Variants in CYP20A1 observed in about 807,000 individuals in gnomAD.
CYP20A1 encodes the protein cytochrome P450 20A1.
Under a neutral mutation model 61.4 loss-of-function variants are expected in CYP20A1, and 61 were observed. The observed-to-expected ratio is 0.99, with a 90% CI of 0.81 to 1.23. The LOEUF (loss-of-function observed/expected upper bound fraction) is 1.23, where lower values mean the gene tolerates loss of function less well. CYP20A1 is among the 50% of genes most tolerant of loss of function. The pLI is 0.00. For synonymous variants in CYP20A1, 193 were observed against 188.2 expected (o/e 1.03, Z -0.21); for missense variants, 530 against 542.4 (o/e 0.98, Z 0.23).
At chr2:203,272,844 A>C (rs1233601380) in intron 6 of CYP20A1, 96 bp downstream of exon 6, 5 of 647,756 alleles carry the variant, frequency 7.7e-6, no homozygotes, top group Non-Finnish European at 1.2e-5. Context: ...AAGGTCATTT[A>C]TATTTTCTTT....
In CYP20A1 at chr2:203,301,879, A is replaced by C. The variant is rs2069035427; in HGVS notation, c.*4971A>C. 6.9e-6 allele frequency among the ~76,000 whole-genome samples: 1 copy of C among 145,588 alleles called. No homozygotes were observed. The highest frequency in any genetic ancestry group is 6.8e-5 in the Admixed American group (1 of 14,638). On this transcript the variant is annotated 3_prime_UTR_variant, in exon 13 of 13. Transcript: ENST00000356079. ...AATGTCAAACTCAGTTAACAGTCAT[A>C]GTTTCACTATTTGAAGTTAACCACT...
intron 3 of CYP20A1, among the ~76,000 whole-genome samples, chr2:203,249,825 A>G (rs2066594459): frequency 6.6e-6 from 1 of 152,180 alleles, no homozygotes; most frequent in Admixed American, 6.5e-5. Flanking sequence ...AACCTGGATG[A>G]CAGATCGAGA....
intron 3 of CYP20A1, among the ~76,000 whole-genome samples, chr2:203,250,000 A>G (rs1419080679): frequency 2.0e-5 from 3 of 152,248 alleles, no homozygotes; most frequent in Non-Finnish European, 4.4e-5. Flanking sequence ...GATGAAGAAT[A>G]CTGGCAGAAC....
In CYP20A1 at chr2:203,298,391, A is replaced by AAAAAAAC. The variant is rs1188587000; in HGVS notation, c.*1497_*1503dup. 8 of 185,706 alleles carry AAAAAAAC rather than the reference A, an allele frequency of 4.3e-5. No homozygotes were observed. The highest frequency in any genetic ancestry group is 2.4e-5 in the African/African-American group (1 of 42,172). 11.5% of individuals were successfully genotyped at this position (185,706 alleles called of 1,614,324 possible). On this transcript the variant is annotated 3_prime_UTR_variant, in exon 13 of 13. Transcript: ENST00000356079. The stretch of plus-strand genomic sequence containing the variant: ...GGCAACAGAGCAAAACCCTGCCTTT[A>AAAAAAAC]AAAAAACAAAAAACAAAAAAGGCCG...
At chr2:203,296,421 A>G in intron 11 of CYP20A1, 53 bp from the exon 12 acceptor site, 1 of 1,099,904 alleles carries the variant, frequency 9.1e-7, no homozygotes, top group East Asian at 2.5e-5. Flanking sequence ...TAGTGTCAAC[A>G]TGTAAGATGC....
rs147992273 is a variant in CYP20A1 at position 203,246,754 on chromosome 2, G to C, written c.123-1G>C. On this transcript the variant is annotated splice_acceptor_variant, in intron 2 of 12. Transcript: ENST00000356079. LOFTEE classifies it high-confidence loss of function. ...TTTGTCAAATGTTGCTCTTTTGCCA[G>C]AGATGGTAATCTTCCAGATATTGTG... 6.4e-5 allele frequency: 102 copies of C among 1,606,230 alleles called. No individual in the cohort carries two copies. Among genetic ancestry groups the C allele is most frequent in the Non-Finnish European group, 8.3e-5 (98 of 1,178,100 alleles).
rs766795016 is a variant in CYP20A1 at position 203,272,741 on chromosome 2, T to C, written c.672T>C (p.Tyr224=). ...AAAACATGACTCGGAAAAAACAATATGAAGATGGTAAGTTTGGTCACTTAA... is the reference window on the plus strand; with the variant it reads ...AAAACATGACTCGGAAAAAACAATACGAAGATGGTAAGTTTGGTCACTTAA... The part of the protein sequence containing the change: ...LDKNMTRKKQ[Y]EDALMQLESV... The change falls in exon 6 of 13, where the codon TAT becomes TAC. Residue 224 remains tyrosine (Y), a synonymous_variant. Transcript: ENST00000356079. The C allele has an allele frequency of 1.4e-5, 22 of 1,594,322 alleles. No individual in the cohort carries two copies. The highest frequency in any genetic ancestry group is 1.8e-5 in the Non-Finnish European group (21 of 1,172,246).
At chr2:203,253,037 T>C (rs988446632) in intron 4 of CYP20A1, among the ~76,000 whole-genome samples, 2 of 152,016 alleles carry the variant, frequency 1.3e-5, no homozygotes, top group Admixed American at 6.6e-5. Context: ...TTTTTGTAAC[T>C]GTCTTAGCGA....
chr2:203,266,737 A>G (rs2067339033), intron 5 of CYP20A1, 56 bp downstream of exon 5: 1 of 1,459,530 alleles, frequency 6.9e-7, no homozygotes, highest in East Asian at 2.3e-5. Flanking sequence ...GGCAGCTCAC[A>G]CCTGTAATCC....
intron 11 of CYP20A1, among the ~76,000 whole-genome samples, chr2:203,294,941 AT>A (rs1167546590): frequency 0.018 from 806 of 45,410 alleles, no homozygotes; most frequent in African/African-American, 0.047. Flanking sequence ...CTTTAAAAAA[AT>A]TTTTTTTTTT....
chr2:203,253,472 G>C (rs1431992446), intron 4 of CYP20A1, among the ~76,000 whole-genome samples: 1 of 152,248 alleles, frequency 6.6e-6, no homozygotes, highest in East Asian at 1.9e-4. Context: ...CTGAGGACCA[G>C]AGAGACTGAT....
intron 8 of CYP20A1, among the ~76,000 whole-genome samples, chr2:203,284,223 TTTAAG>T (rs2068169240): frequency 6.6e-6 from 1 of 152,136 alleles, no homozygotes; most frequent in South Asian, 2.1e-4. Flanking sequence ...TTGAGATAAG[TTTAAG>T]TTAACCCTTA....
At chr2:203,274,892 A>C (rs901398452) in intron 6 of CYP20A1, among the ~76,000 whole-genome samples, 1 of 152,230 alleles carries the variant, frequency 6.6e-6, no homozygotes, top group African/African-American at 2.4e-5. Context: ...AATGAAAATA[A>C]TTTATATTCT....
At chr2:203,278,054 T>C (rs2067894608) in intron 6 of CYP20A1, among the ~76,000 whole-genome samples, 1 of 152,074 alleles carries the variant, frequency 6.6e-6, no homozygotes, top group Admixed American at 6.6e-5. Context: ...GGCGGATGGA[T>C]TGCTTGAGCC....
chr2:203,281,009 T>A (rs995676939), intron 8 of CYP20A1, among the ~76,000 whole-genome samples: 1 of 152,048 alleles, frequency 6.6e-6, no homozygotes, highest in African/African-American at 2.4e-5. Context: ...CCAACAAGAG[T>A]ATATAGGCCA....
intron 8 of CYP20A1, among the ~76,000 whole-genome samples, chr2:203,280,802 T>C (rs2068012377): frequency 1.3e-5 from 2 of 152,244 alleles, no homozygotes; most frequent in South Asian, 4.1e-4. Flanking sequence ...AGTGCTTTTT[T>C]TCTTAACCCC....
chr2:203,289,296 T>C (rs2068431960), intron 9 of CYP20A1, among the ~76,000 whole-genome samples: 1 of 152,188 alleles, frequency 6.6e-6, no homozygotes, highest in South Asian at 2.1e-4. Flanking sequence ...TAATTACTTT[T>C]AAAGAGGTTT....
chr2:203,246,622 G>T, intron 2 of CYP20A1, 133 bp from the exon 3 acceptor site: 1 of 850,990 alleles, frequency 1.2e-6, no homozygotes. Context: ...ATTGAGTTTT[G>T]GATTTTGCAG....
intron 10 of CYP20A1, among the ~76,000 whole-genome samples, chr2:203,292,023 T>A (rs993837060): frequency 6.6e-6 from 1 of 152,220 alleles, no homozygotes; most frequent in Admixed American, 6.6e-5. Context: ...ATGCAGATTT[T>A]AAATTTTCAT....
Sources: allele counts gnomAD v4.1 joint callset (sites outside exome capture counted in the v4.1 genomes callset), GRCh38; gene constraint gnomAD v4.1.1; transcripts MANE v1.5; gene names NCBI Gene and HGNC (gene_info 2026-07-23, HGNC 2026-07-21).